ELK3: variants seen among roughly 807,000 people sequenced by gnomAD.
ELK3 encodes ETS transcription factor ELK3.
In ELK3, 10 loss-of-function variants were observed where a neutral mutation model predicts 28.9. That is an observed-to-expected ratio of 0.35 (90% CI 0.21 to 0.59). The LOEUF is 0.59. Ranked by LOEUF, ELK3 falls within the 20% of genes least tolerant of loss-of-function variation. ELK3 has a pLI of 0.82. For missense variants in ELK3, 463 were observed against 517.3 expected (o/e 0.90, Z 1.02); for synonymous variants, 272 against 243.5 (o/e 1.12, Z -1.09).
At position 96,240,445 on chromosome 12, in the gene ELK3, G is replaced by A. The variant is rs181514015; in HGVS notation, c.208-6495G>A. ...AAGCTGTATATGGATGTCTCATTCA[G>A]TCCCATGAGGCAGATGGATCAGTCC... is the stretch of plus-strand genomic sequence containing the variant. On this transcript the variant is annotated intron_variant, in intron 2 of 4. Coordinates refer to ENST00000228741, the MANE Select transcript of ELK3 (RefSeq NM_005230.4). 3.4e-3 allele frequency among the ~76,000 whole-genome samples: 512 copies of A among 152,316 alleles called. 3 individuals carry two copies. Among genetic ancestry groups the A allele is most frequent in the Middle Eastern group, 0.017 (5 of 294 alleles).
intron 1 of ELK3, among the ~76,000 whole-genome samples, chr12:96,218,940 G>A (rs544682285): frequency 6.6e-6 from 1 of 152,220 alleles, no homozygotes; most frequent in South Asian, 2.1e-4. Context: ...GAGCCACCGC[G>A]CCCGGCCAAG....
In ELK3 at chr12:96,268,913, A is replaced by ATT. The variant is rs1952063751; in HGVS notation, c.*1734_*1735insTT. ...ATGACACTGGTTCCAAAATTCACAA[A>ATT]TAATAGACACTACTGTCCCCCCACC... is the stretch of plus-strand genomic sequence containing the variant. On this transcript the variant is annotated 3_prime_UTR_variant, in exon 5 of 5. Transcript: ENST00000228741. The ATT allele has an allele frequency of 6.6e-6, 1 of 152,204 alleles. No homozygotes were observed. Among genetic ancestry groups the ATT allele is most frequent in the South Asian group, 2.1e-4 (1 of 4,830 alleles). The allele number at this position is 152,204 out of a possible 1,614,324, so 9.4% of individuals were successfully genotyped here.
In ELK3 at chr12:96,247,031, T is replaced by C. The variant is rs757182383; in HGVS notation, c.299T>C (p.Ile100Thr). The C allele has an allele frequency of 1.9e-6, 3 of 1,614,004 alleles. No homozygotes were observed. Among genetic ancestry groups the C allele is most frequent in the Middle Eastern group, 1.6e-4 (1 of 6,084 alleles). The change falls in exon 3 of 5, where the codon ATC (isoleucine) becomes ACC (threonine). Residue 100 changes from isoleucine (I) to threonine (T), a missense_variant. Physicochemically the swap from Ile to Thr is moderately conservative, Grantham distance 89. This residue lies in a region of ELK3 where 408 missense variants were observed against 414.8 expected (regional missense o/e 0.98). Coordinates refer to ENST00000228741, the MANE Select transcript of ELK3 (RefSeq NM_005230.4). This position sits in a 1 kb window ranked among gnomAD's most constrained non-coding sequence, Gnocchi z 5.5. ...ILKMDPHAVEISRESLLLQDS... is the reference protein window; with the variant it reads ...ILKMDPHAVETSRESLLLQDS... ...AAGATGGATCCTCACGCGGTGGAGA[T>C]CAGCCGGGAGAGCCTTCTGCTGCAG...
rs1438849637 is a variant in ELK3 at position 96,233,046 on chromosome 12, T to TG, written c.207+9273_207+9274insG. On this transcript the variant is annotated intron_variant, in intron 2 of 4. Transcript: ENST00000228741. ...TAAAAATCTGTGTCTCCTCTTACTGTTCTTGGCATGGATCATTTTACACCC... is the reference window on the plus strand; with the variant it reads ...TAAAAATCTGTGTCTCCTCTTACTGTGTCTTGGCATGGATCATTTTACACCC... Among the ~76,000 whole-genome samples, 13 of 152,192 alleles carry TG rather than the reference T, an allele frequency of 8.5e-5. 1 individual carries two copies. Among genetic ancestry groups the TG allele is most frequent in the Non-Finnish European group, 1.6e-4 (11 of 68,028 alleles).
chr12:96,197,519 G>A (rs1951479726), intron 1 of ELK3, among the ~76,000 whole-genome samples: 1 of 152,192 alleles, frequency 6.6e-6, no homozygotes, highest in African/African-American at 2.4e-5. Context: ...ACGTAACATA[G>A]CATTCATGAA....
Position 96,268,374 on chromosome 12 carries a change from GA to G in ELK3, c.*1199del, listed in dbSNP as rs1205160018. On this transcript the variant is annotated 3_prime_UTR_variant, in exon 5 of 5. Coordinates refer to ENST00000228741, the MANE Select transcript of ELK3 (RefSeq NM_005230.4). ...GGAGAATGAAGGAAATCTGACAGAT[GA>G]AAAATTCTACAGGAACCTCATCATC... The G allele has an allele frequency of 6.6e-6, 1 of 152,186 alleles. No individual in the cohort carries two copies. Among genetic ancestry groups the G allele is most frequent in the Non-Finnish European group, 1.5e-5 (1 of 68,020 alleles). 9.4% of individuals were successfully genotyped at this position (152,186 alleles called of 1,614,324 possible).
At chr12:96,266,445 G>A (rs1197212883) in intron 4 of ELK3, among the ~76,000 whole-genome samples, 1 of 152,130 alleles carries the variant, frequency 6.6e-6, no homozygotes. Context: ...AGCATATACT[G>A]TCATCCTACT....
At chr12:96,210,990 T>G (rs1029556067) in intron 1 of ELK3, among the ~76,000 whole-genome samples, 1 of 152,234 alleles carries the variant, frequency 6.6e-6, no homozygotes. Flanking sequence ...GAACCTGGAC[T>G]TTGGAGCCAG....
Position 96,256,396 on chromosome 12 carries a change from T to C in ELK3, c.1003-3335T>C, listed in dbSNP as rs75429716. ...ACATAGTTTGCACTCTCGGTCAGTA[T>C]TTATTGAGGCAGTGCCTACACGGTG... On this transcript the variant is annotated intron_variant, in intron 3 of 4. Transcript: ENST00000228741. Among the ~76,000 whole-genome samples, 13 of 152,206 alleles carry C rather than the reference T, an allele frequency of 8.5e-5. No individual in the cohort carries two copies. The East Asian group carries it at 1.5e-3, about 18-fold the overall frequency.
chr12:96,260,584 C>T (rs1951986029), intron 4 of ELK3, among the ~76,000 whole-genome samples: 1 of 151,878 alleles, frequency 6.6e-6, no homozygotes, highest in African/African-American at 2.4e-5. Context: ...TTCATTCACA[C>T]ACCAGAATCT....
chr12:96,262,997 C>T (rs980837866), intron 4 of ELK3, among the ~76,000 whole-genome samples: 1 of 151,960 alleles, frequency 6.6e-6, no homozygotes, highest in African/African-American at 2.4e-5. Context: ...AAAATAACAA[C>T]AAACCTCTTT....
At chr12:96,254,342 T>C (rs1565791578) in intron 3 of ELK3, among the ~76,000 whole-genome samples, 1 of 151,862 alleles carries the variant, frequency 6.6e-6, no homozygotes, top group African/African-American at 2.4e-5. Context: ...AATAAGTAAA[T>C]AAACAGCTGC....
Position 96,247,301 on chromosome 12 carries a change from C to T in ELK3, c.569C>T (p.Thr190Ile). The T allele has an allele frequency of 6.2e-7, 1 of 1,614,250 alleles. No individual in the cohort carries two copies. ...GTGATCAGGTTTGTGACCAATAAAA[C>T]CGACAAGCACGTCACCAGGCCGGTG... is the stretch of plus-strand genomic sequence containing the variant. ...RTVIRFVTNK[T>I]DKHVTRPVVS... Residue 190 changes from threonine to isoleucine, a missense_variant, in exon 3 of 5, where the codon ACC (threonine) becomes ATC (isoleucine). Physicochemically the swap from Thr to Ile is moderately conservative, Grantham distance 89 (BLOSUM62 -1). This residue lies in a region of ELK3 where 408 missense variants were observed against 414.8 expected (regional missense o/e 0.98). Transcript: ENST00000228741. The surrounding 1 kb of genome is among the most constrained non-coding windows in gnomAD (Gnocchi z 5.5).
chr12:96,219,611 A>C (rs1592675617), intron 1 of ELK3, among the ~76,000 whole-genome samples: 2 of 152,134 alleles, frequency 1.3e-5, no homozygotes, highest in Admixed American at 1.3e-4. Context: ...CTGTCCCCCT[A>C]CCCAAACCTC....
intron 2 of ELK3, among the ~76,000 whole-genome samples, chr12:96,227,470 A>G (rs1410439428): frequency 6.6e-6 from 1 of 151,614 alleles, no homozygotes; most frequent in Non-Finnish European, 1.5e-5. Context: ...TTATTTTTAT[A>G]TGTTATATGT....
chr12:96,220,232 C>A (rs897972557), intron 1 of ELK3, among the ~76,000 whole-genome samples: 1 of 152,070 alleles, frequency 6.6e-6, no homozygotes, highest in African/African-American at 2.4e-5. Flanking sequence ...TTTCACCTGT[C>A]CTTTTTGTCC....
chr12:96,234,326 T>C (rs935504836), intron 2 of ELK3, among the ~76,000 whole-genome samples: 2 of 152,190 alleles, frequency 1.3e-5, no homozygotes, highest in Non-Finnish European at 2.9e-5. Context: ...CCAAAGCTCT[T>C]GCGGCCTTGC....
intron 3 of ELK3, among the ~76,000 whole-genome samples, chr12:96,252,549 G>A (rs1210577032): frequency 1.3e-5 from 2 of 152,096 alleles, no homozygotes; most frequent in Non-Finnish European, 2.9e-5. Flanking sequence ...ACAGGAGTTT[G>A]GAAGAAACTG....
At chr12:96,212,705 T>C (rs928507394) in intron 1 of ELK3, 1 of 152,060 alleles carries the variant, frequency 6.6e-6, no homozygotes, top group Non-Finnish European at 1.5e-5. Flanking sequence ...CAATAAAATT[T>C]TTGTCTGATG....
Sources: gnomAD v4.1 joint callset for allele counts (sites outside exome capture counted in the v4.1 genomes callset) on GRCh38, gnomAD v4.1.1 for gene constraint, gnomAD v4.1.1 regional missense constraint, Gnocchi (gnomAD v3.1) non-coding constraint, MANE v1.5 for transcripts, NCBI Gene and HGNC (gene_info 2026-07-23, HGNC 2026-07-21) for gene names.